DOCK3: variants seen among roughly 807,000 people sequenced by gnomAD.
DOCK3 encodes dedicator of cytokinesis protein 3.
A neutral mutation model predicts 265.6 loss-of-function variants in DOCK3; 60 were observed. That is an observed-to-expected ratio of 0.23 (90% CI 0.18 to 0.28). The LOEUF (loss-of-function observed/expected upper bound fraction) is 0.28, where lower values mean the gene tolerates loss of function less well. Ranked by LOEUF, DOCK3 falls within the 10% of genes least tolerant of loss-of-function variation. DOCK3 has a pLI of 1.00. For missense variants in DOCK3, 1,981 were observed against 2,594.3 expected (o/e 0.76, Z 5.14); for synonymous variants, 881 against 938.0 (o/e 0.94, Z 1.11).
At chr3:51,016,945 T>C (rs1325991766) in intron 5 of DOCK3, among the ~76,000 whole-genome samples, 44 of 36,428 alleles carry the variant, frequency 1.2e-3, no homozygotes, top group Middle Eastern at 0.02. Flanking sequence ...ATATATGTTA[T>C]ATATAATATA....
chr3:51,351,054 G>A (rs926307544), intron 40 of DOCK3, among the ~76,000 whole-genome samples: 4 of 152,180 alleles, frequency 2.6e-5, no homozygotes, highest in African/African-American at 9.6e-5. Flanking sequence ...GGATGACTGA[G>A]CATAGATCTA....
chr3:51,369,337 A>G (rs1021367185), intron 49 of DOCK3, among the ~76,000 whole-genome samples: 13 of 152,260 alleles, frequency 8.5e-5, no homozygotes, highest in African/African-American at 2.9e-4. Context: ...AACAGTGTAG[A>G]GAAGTCCTTA....
At chr3:50,678,587 A>AG (rs2034154117) in intron 1 of DOCK3, among the ~76,000 whole-genome samples, 1 of 152,200 alleles carries the variant, frequency 6.6e-6, no homozygotes, top group East Asian at 1.9e-4. Context: ...TTGACGTCTT[A>AG]GAAGTGGAAG....
intron 5 of DOCK3, among the ~76,000 whole-genome samples, chr3:51,055,339 GGCTT>G (rs1431299077): frequency 6.6e-6 from 1 of 152,150 alleles, no homozygotes; most frequent in African/African-American, 2.4e-5. Context: ...TTTCTGCAGA[GGCTT>G]GCATCTTACT....
chr3:50,933,838 A>G (rs1440861229), intron 4 of DOCK3, 143 bp from the exon 5 acceptor site: 1 of 528,234 alleles, frequency 1.9e-6, no homozygotes, highest in African/African-American at 1.9e-5. Flanking sequence ...TCATTATAAA[A>G]AGGTCTTTGA....
intron 12 of DOCK3, among the ~76,000 whole-genome samples, chr3:51,167,862 A>T (rs974253830): frequency 6.6e-6 from 1 of 152,072 alleles, no homozygotes; most frequent in African/African-American, 2.4e-5. Context: ...TTTTATATGT[A>T]TATAAGGTCA....
chr3:50,882,431 A>G (rs2048093943), intron 3 of DOCK3, among the ~76,000 whole-genome samples: 1 of 152,220 alleles, frequency 6.6e-6, no homozygotes, highest in Non-Finnish European at 1.5e-5. Context: ...AAAAAATCAA[A>G]CAACCCCATC....
chr3:50,940,331 C>T (rs1379175504), intron 5 of DOCK3, among the ~76,000 whole-genome samples: 1 of 148,882 alleles, frequency 6.7e-6, no homozygotes, highest in Non-Finnish European at 1.5e-5. Context: ...CAAAGAAACA[C>T]TTGGGCATAA....
At chr3:51,154,218 C>G (rs1420950700) in intron 10 of DOCK3, among the ~76,000 whole-genome samples, 1 of 152,150 alleles carries the variant, frequency 6.6e-6, no homozygotes, top group Non-Finnish European at 1.5e-5. Context: ...ACAGGGATAG[C>G]TTTTATTGAT....
At position 50,847,882 on chromosome 3, in the gene DOCK3, C is replaced by CAAAAAAAA. The variant is rs3043428; in HGVS notation, c.162+6181_162+6188dup. Among the ~76,000 whole-genome samples, 503 of 97,586 alleles carry CAAAAAAAA rather than the reference C, an allele frequency of 5.2e-3. 22 individuals are homozygous for CAAAAAAAA. The highest frequency in any genetic ancestry group is 0.019 in the African/African-American group (456 of 23,778). The allele number at this position is 97,586 out of a possible 152,430, so 64.0% of individuals were successfully genotyped here. A position where few individuals can be genotyped will look rare whatever the true frequency, so the allele number is the denominator to read the frequency against. On this transcript the variant is annotated intron_variant, in intron 3 of 52. Coordinates refer to ENST00000266037, the MANE Select transcript of DOCK3 (RefSeq NM_004947.5). ...TGGGTGACAGAACGAGGCTCCATTT[C>CAAAAAAAA]AAAAAAAAAAAAAAAAAAAAATCCC... is the stretch of plus-strand genomic sequence containing the variant.
intron 2 of DOCK3, among the ~76,000 whole-genome samples, chr3:50,811,570 A>G (rs1262067369): frequency 6.6e-6 from 1 of 152,242 alleles, no homozygotes; most frequent in African/African-American, 2.4e-5. Context: ...ATTGGCACAG[A>G]TATGTTTCCA....
chr3:51,088,402 A>G (rs1258593858), intron 7 of DOCK3, among the ~76,000 whole-genome samples: 1 of 152,210 alleles, frequency 6.6e-6, no homozygotes, highest in Non-Finnish European at 1.5e-5. Flanking sequence ...CAAAGTAGCT[A>G]GAAGAGAAGA....
chr3:50,757,344 G>GT (rs1335687763), intron 1 of DOCK3, among the ~76,000 whole-genome samples: 6 of 151,050 alleles, frequency 4.0e-5, no homozygotes, highest in African/African-American at 1.5e-4. Flanking sequence ...GCTAATTTTT[G>GT]TATTTTTAGT....
At chr3:51,100,261 G>A (rs1037602178) in intron 9 of DOCK3, among the ~76,000 whole-genome samples, 2 of 152,158 alleles carry the variant, frequency 1.3e-5, no homozygotes, top group Non-Finnish European at 2.9e-5. Flanking sequence ...ATATTGTAAG[G>A]CAGTAAAAAG....
chr3:50,788,014 A>G (rs2042275588), intron 2 of DOCK3: 2 of 755,638 alleles, frequency 2.6e-6, no homozygotes, highest in East Asian at 3.0e-5. Flanking sequence ...CCTTAATAGC[A>G]TGCACATCAG....
At chr3:51,360,442 A>T (rs2086650430) in intron 46 of DOCK3, 69 bp from the exon 47 acceptor site, 1 of 1,532,662 alleles carries the variant, frequency 6.5e-7, no homozygotes, top group Admixed American at 2.0e-5. Flanking sequence ...CCAGTCAGTT[A>T]TTCCCTCACA....
rs2262811 is a variant in DOCK3, at chr3:50,777,011, C to T, written c.38-1664C>T. On this transcript the variant is annotated intron_variant, in intron 1 of 52. Transcript: ENST00000266037. Reference sequence around the variant, plus strand: ...AAGAGAAGAGAGAATGTGAGCCAAGCGAAACAGGTTTCCCCTTATCAAACC... The same window carrying T: ...AAGAGAAGAGAGAATGTGAGCCAAGTGAAACAGGTTTCCCCTTATCAAACC... Among the ~76,000 whole-genome samples, 1,300 of 152,224 alleles carry T rather than the reference C, an allele frequency of 8.5e-3. 11 individuals are homozygous for T. The highest frequency in any genetic ancestry group is 0.013 in the Non-Finnish European group (904 of 67,998).
intron 9 of DOCK3, among the ~76,000 whole-genome samples, chr3:51,103,956 TAA>T (rs913999713): frequency 1.3e-5 from 2 of 152,194 alleles, no homozygotes; most frequent in Admixed American, 6.5e-5. Context: ...GATGAGTAAG[TAA>T]AATATGCGAC....
chr3:50,963,826 A>G (rs532425882), intron 5 of DOCK3, among the ~76,000 whole-genome samples: 2 of 152,328 alleles, frequency 1.3e-5, no homozygotes, highest in Admixed American at 6.5e-5. Context: ...CTGAGGAGAC[A>G]GAACTGAGAT....
Sources: gnomAD v4.1 joint callset for allele counts (sites outside exome capture counted in the v4.1 genomes callset) on GRCh38, gnomAD v4.1.1 for gene constraint, MANE v1.5 for transcripts, NCBI Gene and HGNC (gene_info 2026-07-23, HGNC 2026-07-21) for gene names.